The following PTPN11 variants were observed in gnomAD, a reference collection of about 807,000 sequenced individuals.
PTPN11 encodes the protein protein tyrosine phosphatase non-receptor type 11.
Under a neutral mutation model 78.8 loss-of-function variants are expected in PTPN11, and 6 were observed. The ratio of observed to expected loss-of-function variants is 0.08; its 90% CI spans 0.04 to 0.15. The LOEUF is 0.15. Among genes scored for constraint, PTPN11 ranks in the 10% least tolerant of loss-of-function variants. The pLI is 1.00. For synonymous variants in PTPN11, 221 were observed against 263.5 expected, an observed-to-expected ratio of 0.84 and a Z score of 1.56; for missense variants, 386 against 744.8, an observed-to-expected ratio of 0.52 and a Z score of 5.61.
At chr12:112,452,180 T>G (rs1003644096) in intron 3 of PTPN11, among the ~76,000 whole-genome samples, 1 of 152,086 alleles carries the variant, frequency 6.6e-6, no homozygotes, top group Non-Finnish European at 1.5e-5. Flanking sequence ...CTGTCTCTAT[T>G]ACAACTTTTT....
intron 7 of PTPN11, among the ~76,000 whole-genome samples, chr12:112,477,274 C>T (rs976754324): frequency 2.0e-5 from 3 of 152,106 alleles, no homozygotes; most frequent in African/African-American, 4.8e-5. Context: ...GCCTTGGCCT[C>T]CCAAAGTGCT....
rs1426930678 is a variant in PTPN11, at chr12:112,482,857, A to G, written c.1224+652A>G. ...AGCGGACAGTGGTGCTGTGGCAGAC[A>G]CCACAAAAGCTGGAAGGAGAACTGA... On this transcript the variant is annotated intron_variant, in intron 10 of 15. Transcript: ENST00000351677. The surrounding 1 kb of genome is among the most constrained non-coding windows in gnomAD (Gnocchi z 4.4). Among the ~76,000 whole-genome samples the G allele has an allele frequency of 6.6e-6, 1 of 152,180 alleles. No homozygotes were observed.
intron 13 of PTPN11, among the ~76,000 whole-genome samples, chr12:112,489,768 T>C (rs1400851973): frequency 6.6e-6 from 1 of 152,160 alleles, no homozygotes; most frequent in East Asian, 1.9e-4. Flanking sequence ...GGGGCTGTGC[T>C]TCTCTCCCCA....
chr12:112,501,733 A>G (rs906693660), intron 13 of PTPN11, among the ~76,000 whole-genome samples: 6 of 152,144 alleles, frequency 3.9e-5, no homozygotes, highest in African/African-American at 1.4e-4. Context: ...CTTGTGTGCC[A>G]TTTCTAGTTG....
At chr12:112,440,110 G>A (rs909060622) in intron 1 of PTPN11, among the ~76,000 whole-genome samples, 1 of 151,928 alleles carries the variant, frequency 6.6e-6, no homozygotes, top group Admixed American at 6.6e-5. Context: ...TAGAATTCTG[G>A]GCATCTTTCA....
chr12:112,488,553 G>GT, intron 12 of PTPN11, 43 bp downstream of exon 12: 1 of 1,542,226 alleles, frequency 6.5e-7, no homozygotes. Context: ...TCTGTTTTTA[G>GT]TTTATGGAAG....
intron 14 of PTPN11, among the ~76,000 whole-genome samples, chr12:112,503,185 T>C (rs2038897370): frequency 6.6e-6 from 1 of 152,212 alleles, no homozygotes; most frequent in Non-Finnish European, 1.5e-5. Context: ...ACAGAGACCA[T>C]GTATGGCATA....
intron 13 of PTPN11, among the ~76,000 whole-genome samples, chr12:112,493,220 G>A (rs190620584): frequency 2.8e-3 from 433 of 151,932 alleles, no homozygotes; most frequent in South Asian, 7.9e-3. Context: ...CATCACACCC[G>A]GCTAATTTTT....
intron 6 of PTPN11, among the ~76,000 whole-genome samples, chr12:112,459,574 C>G (rs1193743556): frequency 6.6e-6 from 1 of 151,654 alleles, no homozygotes; most frequent in African/African-American, 2.4e-5. Context: ...TCAAGTGATT[C>G]TTGTGCCTCA....
chr12:112,467,593 C>T (rs2038350694), intron 6 of PTPN11, among the ~76,000 whole-genome samples: 1 of 152,172 alleles, frequency 6.6e-6, no homozygotes, highest in African/African-American at 2.4e-5. Flanking sequence ...CTCCCAGGTT[C>T]AAGCAATTCT....
At chr12:112,431,007 T>C (rs1210618812) in intron 1 of PTPN11, among the ~76,000 whole-genome samples, 2 of 152,208 alleles carry the variant, frequency 1.3e-5, no homozygotes, top group Non-Finnish European at 2.9e-5. Context: ...TTTTGCCACA[T>C]AAATTGCTGG....
At chr12:112,442,858 ATATATATATATATATATAT>A (rs761934845) in intron 1 of PTPN11, among the ~76,000 whole-genome samples, 12,546 of 99,746 alleles carry the variant, frequency 0.13, 1,225 homozygotes, top group East Asian at 0.48. Flanking sequence ...ATATATATAT[ATATATATATATATATATAT>A]AAATTATATA....
chr12:112,419,278 A>G lies in PTPN11; in HGVS notation c.14+153A>G, dbSNP rs1027195932. Among the ~76,000 whole-genome samples, 12 of 151,860 alleles carry G rather than the reference A, an allele frequency of 7.9e-5. No homozygotes were observed. In the South Asian group the frequency reaches 1.2e-3, roughly 16 times the overall value. ...TTCCCTCCTCGTCCCCTCGCCCTCC[A>G]GGGGCCGGGGGCCGGCCCCACCGCG... is the stretch of plus-strand genomic sequence containing the variant. On this transcript the variant is annotated intron_variant, in intron 1 of 15. Coordinates refer to ENST00000351677, the MANE Select transcript of PTPN11 (RefSeq NM_002834.5).
intron 1 of PTPN11, among the ~76,000 whole-genome samples, chr12:112,435,278 C>T (rs943293082): frequency 1.1e-4 from 16 of 152,194 alleles, no homozygotes; most frequent in African/African-American, 2.9e-4. Flanking sequence ...CCTCAGCCTC[C>T]CAAAGTGCTG....
intron 13 of PTPN11, among the ~76,000 whole-genome samples, chr12:112,498,658 T>TGTGCTGTGACGTTGAATTTGG: frequency 6.6e-6 from 1 of 152,356 alleles, no homozygotes; most frequent in East Asian, 1.9e-4. Flanking sequence ...GCTTGGTTAC[T>TGTGCTGTGACGTTGAATTTGG]GTGCTGTGAC....
chr12:112,431,228 G>A (rs1015054305), intron 1 of PTPN11, among the ~76,000 whole-genome samples: 2 of 152,196 alleles, frequency 1.3e-5, no homozygotes, highest in African/African-American at 4.8e-5. Context: ...GAACTGCTCT[G>A]TATTAACCAT....
At chr12:112,438,986 A>G (rs1401218246) in intron 1 of PTPN11, among the ~76,000 whole-genome samples, 1 of 152,186 alleles carries the variant, frequency 6.6e-6, no homozygotes, top group Non-Finnish European at 1.5e-5. Flanking sequence ...GGATTTAGGC[A>G]ATCATCGTTG....
chr12:112,451,851 C>T (rs61175907), intron 3 of PTPN11, among the ~76,000 whole-genome samples: 6,150 of 152,148 alleles, frequency 0.04, 267 homozygotes, highest in African/African-American at 0.11. Context: ...GATTTTCTGT[C>T]TCTGTTACAA....
intron 1 of PTPN11, among the ~76,000 whole-genome samples, chr12:112,439,647 T>G (rs1474474126): frequency 1.3e-5 from 2 of 152,002 alleles, no homozygotes; most frequent in African/African-American, 4.8e-5. Context: ...TTTTTGTATT[T>G]TTAGTAGAGA....
Sources: gnomAD v4.1 joint callset for allele counts (sites outside exome capture counted in the v4.1 genomes callset) on GRCh38, gnomAD v4.1.1 for gene constraint, Gnocchi (gnomAD v3.1) non-coding constraint, MANE v1.5 for transcripts, NCBI Gene and HGNC (gene_info 2026-07-23, HGNC 2026-07-21) for gene names.